METAP1D: variants seen among roughly 807,000 people sequenced by gnomAD.
METAP1D encodes methionyl aminopeptidase type 1D, mitochondrial, also known as methionine aminopeptidase 1D, mitochondrial.
A neutral mutation model predicts 40.5 loss-of-function variants in METAP1D; 31 were observed. That is an observed-to-expected ratio of 0.77 (90% CI 0.58 to 1.03). The LOEUF is 1.03. Among genes scored for constraint, METAP1D ranks in the 50% least tolerant of loss-of-function variants. The pLI is 0.00. For synonymous variants in METAP1D, 151 were observed against 146.4 expected, an observed-to-expected ratio of 1.03 and a Z score of -0.22; for missense variants, 411 against 420.7, an observed-to-expected ratio of 0.98 and a Z score of 0.20.
intron 1 of METAP1D, among the ~76,000 whole-genome samples, chr2:172,036,116 G>C (rs547330344): frequency 6.6e-6 from 1 of 151,866 alleles, no homozygotes; most frequent in Non-Finnish European, 1.5e-5. Flanking sequence ...AGGAGATCAA[G>C]ACCATCCTGG....
chr2:172,025,553 C>G (rs540526682), intron 1 of METAP1D, among the ~76,000 whole-genome samples: 2 of 152,168 alleles, frequency 1.3e-5, no homozygotes, highest in East Asian at 3.9e-4. Context: ...TGGTTTTGAA[C>G]TCCTAGGTTC....
At chr2:172,061,400 T>G (rs1690138121) in intron 1 of METAP1D, 98 bp from the exon 2 acceptor site, 1 of 1,077,980 alleles carries the variant, frequency 9.3e-7, no homozygotes, top group Non-Finnish European at 1.3e-6. Context: ...CAATAAGGTA[T>G]TAGAATAATG....
Position 172,080,668 on chromosome 2 carries a change from G to T in METAP1D, c.*262G>T, listed in dbSNP as rs1690684051. ...CAGCGCGGTCAACGCATCTGGAGGG[G>T]ACTGGAGGAAACCCCCTTGTTGGAA... On this transcript the variant is annotated 3_prime_UTR_variant, in exon 10 of 10. Coordinates refer to ENST00000315796, the MANE Select transcript of METAP1D (RefSeq NM_199227.3). 2.9e-5 allele frequency: 17 copies of T among 585,540 alleles called. No individual in the cohort carries two copies. In the South Asian group the frequency reaches 3.5e-4, roughly 12 times the overall value. The allele number at this position is 585,540 out of a possible 1,614,324, so 36.3% of individuals were successfully genotyped here. A position where few individuals can be genotyped will look rare whatever the true frequency, so the allele number is the denominator to read the frequency against.
At chr2:172,007,623 A>C (rs1469751130) in intron 1 of METAP1D, among the ~76,000 whole-genome samples, 1 of 152,126 alleles carries the variant, frequency 6.6e-6, no homozygotes. Context: ...GTTGCTTCAC[A>C]TATTTTGTCT....
intron 1 of METAP1D, among the ~76,000 whole-genome samples, chr2:172,030,475 G>A (rs754138460): frequency 3.9e-5 from 6 of 152,294 alleles, no homozygotes; most frequent in East Asian, 3.9e-4. Context: ...GTCCAAGGGT[G>A]TGTGACACAA....
chr2:172,007,611 T>G (rs561103797), intron 1 of METAP1D, among the ~76,000 whole-genome samples: 1 of 152,326 alleles, frequency 6.6e-6, no homozygotes, highest in Admixed American at 6.5e-5. Context: ...TGCCAAGATA[T>G]AGTTGCTTCA....
chr2:172,043,854 G>C lies in METAP1D; in HGVS notation c.41-17644G>C, dbSNP rs754086685. ...TCACGCCTGTAATTCCAGCACTGTG[G>C]GAGACCAAGGCAGGAGGATCACTTG... On this transcript the variant is annotated intron_variant, in intron 1 of 9. Coordinates refer to ENST00000315796, the MANE Select transcript of METAP1D (RefSeq NM_199227.3). Among the ~76,000 whole-genome samples, 6 of 135,238 alleles carry C rather than the reference G, an allele frequency of 4.4e-5. 1 individual carries two copies. Among genetic ancestry groups the C allele is most frequent in the Non-Finnish European group, 8.6e-5 (5 of 57,940 alleles). The allele number at this position is 135,238 out of a possible 152,430, so 88.7% of individuals were successfully genotyped here.
intron 1 of METAP1D, among the ~76,000 whole-genome samples, chr2:172,037,906 G>C (rs1465176329): frequency 1.3e-5 from 2 of 152,200 alleles, no homozygotes; most frequent in African/African-American, 4.8e-5. Flanking sequence ...ACTTGTTGTA[G>C]AAGTTGAAAG....
At chr2:172,035,461 G>A (rs531551984) in intron 1 of METAP1D, among the ~76,000 whole-genome samples, 72 of 152,138 alleles carry the variant, frequency 4.7e-4, no homozygotes, top group African/African-American at 1.5e-3. Context: ...ACCACCCCCG[G>A]CCTACTGTAC....
At chr2:172,033,314 A>G (rs1288308291) in intron 1 of METAP1D, among the ~76,000 whole-genome samples, 2 of 152,080 alleles carry the variant, frequency 1.3e-5, no homozygotes, top group Non-Finnish European at 1.5e-5. Context: ...AATCAAGTAC[A>G]ATAGACCTTA....
intron 4 of METAP1D, 72 bp from the exon 5 acceptor site, chr2:172,066,192 T>C: frequency 1.6e-6 from 2 of 1,255,320 alleles, no homozygotes; most frequent in Non-Finnish European, 2.3e-6. Context: ...ACAGTAGTCA[T>C]TAAGTATTTA....
chr2:172,043,013 GTGTACACATATATGTGTATA>G (rs869216201), intron 1 of METAP1D, among the ~76,000 whole-genome samples: 31,330 of 122,020 alleles, frequency 0.26, 9,406 homozygotes, highest in Non-Finnish European at 0.38. Context: ...ATATGTGTAT[GTGTACACATATATGTGTATA>G]TGTGTACACG....
chr2:172,000,587 TGAACTAGGTGCTGAATCTTTGTTGGAAA>T (rs1260314190), intron 1 of METAP1D, among the ~76,000 whole-genome samples: 1 of 152,222 alleles, frequency 6.6e-6, no homozygotes, highest in African/African-American at 2.4e-5. Context: ...TTGTTGGATT[TGAACTAGGTGCTGAATCTTTGTTGGAAA>T]GAACTAGAAA....
chr2:172,016,094 C>CA (rs769072690), intron 1 of METAP1D, among the ~76,000 whole-genome samples: 22,231 of 104,286 alleles, frequency 0.21, 2,279 homozygotes, highest in Non-Finnish European at 0.27. Flanking sequence ...CCGTCTCTAT[C>CA]AAAAAAAAAA....
At chr2:172,056,886 C>G (rs989591808) in intron 1 of METAP1D, among the ~76,000 whole-genome samples, 5 of 152,222 alleles carry the variant, frequency 3.3e-5, no homozygotes, top group African/African-American at 1.2e-4. Flanking sequence ...TGCCTCCCAA[C>G]TGGATCATTT....
chr2:172,057,108 C>T (rs1218302433), intron 1 of METAP1D, among the ~76,000 whole-genome samples: 2 of 152,140 alleles, frequency 1.3e-5, no homozygotes, highest in Non-Finnish European at 2.9e-5. Flanking sequence ...TTTGGATTTA[C>T]AGGATTAAGC....
In METAP1D at chr2:172,071,041, T is replaced by A. The variant is rs1299693968; in HGVS notation, c.675T>A (p.Ala225=). Residue 225 remains alanine, a synonymous_variant, in exon 6 of 10, where the codon GCT becomes GCA. Transcript: ENST00000315796. ...CAATTGCAGCTTGCAGAGCAGGGGCTCCCTTCTCTGTAATTGGAAACACAA... is the reference window on the plus strand; with the variant it reads ...CAATTGCAGCTTGCAGAGCAGGGGCACCCTTCTCTGTAATTGGAAACACAA... The part of the protein sequence containing the change: ...DEAIAACRAG[A]PFSVIGNTIS... 1 of 1,611,746 alleles carries A rather than the reference T, an allele frequency of 6.2e-7. No homozygotes were observed. Among genetic ancestry groups the A allele is most frequent in the Non-Finnish European group, 8.5e-7 (1 of 1,178,758 alleles).
intron 1 of METAP1D, among the ~76,000 whole-genome samples, chr2:172,001,527 G>A (rs1688462821): frequency 8.6e-5 from 13 of 151,472 alleles, no homozygotes; most frequent in Admixed American, 8.5e-4. Flanking sequence ...GACAGAGCGA[G>A]ACTCCGTCTC....
At chr2:172,008,764 C>T (rs975843293) in intron 1 of METAP1D, among the ~76,000 whole-genome samples, 3 of 151,888 alleles carry the variant, frequency 2.0e-5, no homozygotes, top group Non-Finnish European at 2.9e-5. Flanking sequence ...AAAATGCTTA[C>T]GTGATGAAGT....
Sources: gnomAD v4.1 joint callset for allele counts (sites outside exome capture counted in the v4.1 genomes callset) on GRCh38, gnomAD v4.1.1 for gene constraint, MANE v1.5 for transcripts, NCBI Gene and HGNC (gene_info 2026-07-23, HGNC 2026-07-21) for gene names.